Variants in PTPRK observed in about 807,000 individuals in gnomAD.
The protein encoded by PTPRK is receptor-type tyrosine-protein phosphatase kappa.
PTPRK carries 75 observed loss-of-function variants against 178.0 expected under a neutral mutation model. The observed-to-expected ratio is 0.42, with a 90% CI of 0.35 to 0.51. The LOEUF (loss-of-function observed/expected upper bound fraction) is 0.51, where lower values mean the gene tolerates loss of function less well. Ranked by LOEUF, PTPRK falls within the 20% of genes least tolerant of loss-of-function variation. PTPRK has a pLI of 0.02. For missense variants in PTPRK, 1,441 were observed against 1,797.8 expected (o/e 0.80, Z 3.59); for synonymous variants, 637 against 620.6 (o/e 1.03, Z -0.39).
intron 11 of PTPRK, among the ~76,000 whole-genome samples, chr6:128,075,157 T>C (rs930928087): frequency 1.3e-5 from 2 of 152,006 alleles, no homozygotes; most frequent in South Asian, 4.1e-4. Context: ...AGCCACAGTC[T>C]TACCTGCATT....
At chr6:128,116,369 G>C (rs1381340070) in intron 7 of PTPRK, among the ~76,000 whole-genome samples, 3 of 152,108 alleles carry the variant, frequency 2.0e-5, no homozygotes, top group Non-Finnish European at 4.4e-5. Flanking sequence ...CAGGCCATTT[G>C]ATTTATTCTT....
chr6:128,034,808 A>G (rs995590052), intron 13 of PTPRK, among the ~76,000 whole-genome samples: 3 of 152,214 alleles, frequency 2.0e-5, no homozygotes, highest in Non-Finnish European at 4.4e-5. Flanking sequence ...TGTCAAGTAT[A>G]TAAGTCCTTA....
intron 5 of PTPRK, among the ~76,000 whole-genome samples, chr6:128,228,413 G>A (rs1362303224): frequency 2.0e-5 from 3 of 150,938 alleles, no homozygotes; most frequent in South Asian, 2.1e-4. Context: ...TTGGGAGGCC[G>A]AGGCAGGTTG....
At chr6:127,970,653 TATC>T (rs1412332902) in intron 29 of PTPRK, among the ~76,000 whole-genome samples, 6 of 152,110 alleles carry the variant, frequency 3.9e-5, no homozygotes, top group Admixed American at 3.9e-4. Context: ...GCTATAATTC[TATC>T]ATCAGAAGAA....
intron 1 of PTPRK, among the ~76,000 whole-genome samples, chr6:128,449,877 T>C (rs145625110): frequency 2.0e-5 from 3 of 151,202 alleles, no homozygotes; most frequent in African/African-American, 7.3e-5. Flanking sequence ...AGAAGAATTA[T>C]TTGAGGCCAG....
In PTPRK at chr6:128,389,653, T is replaced by TA. The variant is rs201241655; in HGVS notation, c.223+7912dup. 3.7e-3 allele frequency among the ~76,000 whole-genome samples: 563 copies of TA among 152,184 alleles called. 4 individuals carry two copies. The highest frequency in any genetic ancestry group is 0.012 in the African/African-American group (503 of 41,560). On this transcript the variant is annotated intron_variant, in intron 2 of 29. Transcript: ENST00000368226. ...AAGGTATATGTTAAAGGTGACTATA[T>TA]AGTCTTTGAAATTGCTGTGTGTTCC...
Position 128,336,137 on chromosome 6 carries a change from T to C in PTPRK, c.224-13827A>G, listed in dbSNP as rs4084563. ...ATATTCCTTCAACAAAACATTCCTT[T>C]TAAACATAACCAGAAAAGCTGCATG... is the stretch of plus-strand genomic sequence containing the variant. On this transcript the variant is annotated intron_variant, in intron 2 of 29. Transcript: ENST00000368226. 0.022 allele frequency among the ~76,000 whole-genome samples: 3,383 copies of C among 152,188 alleles called. 280 individuals carry two copies. The East Asian group carries it at 0.25, about 11-fold the overall frequency.
intron 29 of PTPRK, among the ~76,000 whole-genome samples, chr6:127,971,994 A>C (rs979988273): frequency 6.6e-6 from 1 of 152,048 alleles, no homozygotes; most frequent in African/African-American, 2.4e-5. Flanking sequence ...AACCAATGTA[A>C]TCTTGTGTAG....
chr6:128,165,437 A>G (rs1799262907), intron 7 of PTPRK, among the ~76,000 whole-genome samples: 2 of 151,276 alleles, frequency 1.3e-5, no homozygotes, highest in Non-Finnish European at 3.0e-5. Context: ...TGGTTAATTT[A>G]TTTTTCTTTA....
intron 27 of PTPRK, among the ~76,000 whole-genome samples, chr6:127,974,680 G>C (rs1774324671): frequency 6.6e-6 from 1 of 152,144 alleles, no homozygotes; most frequent in Admixed American, 6.5e-5. Context: ...AGTTATGTCA[G>C]ATCACCCAGT....
At chr6:128,507,467 C>T (rs1856543487) in intron 1 of PTPRK, among the ~76,000 whole-genome samples, 1 of 152,012 alleles carries the variant, frequency 6.6e-6, no homozygotes, top group Non-Finnish European at 1.5e-5. Flanking sequence ...TACTGTTGTC[C>T]CCTTCATAAT....
chr6:128,307,564 T>C (rs1032619100), intron 3 of PTPRK, among the ~76,000 whole-genome samples: 1 of 151,758 alleles, frequency 6.6e-6, no homozygotes, highest in Admixed American at 6.6e-5. Context: ...GACAAGCATG[T>C]ATTATTGTCA....
intron 3 of PTPRK, among the ~76,000 whole-genome samples, chr6:128,263,676 T>C (rs966600165): frequency 2.0e-5 from 3 of 152,192 alleles, no homozygotes; most frequent in East Asian, 3.9e-4. Flanking sequence ...TAATTAGTAA[T>C]GATTGTGTTA....
At chr6:128,453,762 T>C (rs905976321) in intron 1 of PTPRK, among the ~76,000 whole-genome samples, 4 of 152,148 alleles carry the variant, frequency 2.6e-5, no homozygotes, top group Admixed American at 6.6e-5. Context: ...AAGCTCTACA[T>C]TGGTGCTACT....
chr6:128,034,709 G>C (rs537092097), intron 13 of PTPRK, among the ~76,000 whole-genome samples: 2 of 152,208 alleles, frequency 1.3e-5, no homozygotes, highest in East Asian at 1.9e-4. Context: ...AGTTGTTTTG[G>C]TTTGTTTTGT....
At chr6:128,337,381 A>G (rs965098677) in intron 2 of PTPRK, among the ~76,000 whole-genome samples, 1 of 152,174 alleles carries the variant, frequency 6.6e-6, no homozygotes, top group Non-Finnish European at 1.5e-5. Flanking sequence ...AAAATATTTA[A>G]TTTACCCAAT....
intron 2 of PTPRK, among the ~76,000 whole-genome samples, chr6:128,380,360 A>T (rs939629136): frequency 4.6e-5 from 7 of 152,102 alleles, no homozygotes; most frequent in African/African-American, 1.4e-4. Flanking sequence ...CCAGACTTGG[A>T]GATGAGCAAA....
chr6:128,176,311 T>A (rs1801066150), intron 7 of PTPRK, among the ~76,000 whole-genome samples: 1 of 151,882 alleles, frequency 6.6e-6, no homozygotes, highest in Non-Finnish European at 1.5e-5. Context: ...CAGGTAATAA[T>A]AAACTGTTTT....
At chr6:128,495,511 A>G (rs1168066182) in intron 1 of PTPRK, among the ~76,000 whole-genome samples, 1 of 151,142 alleles carries the variant, frequency 6.6e-6, no homozygotes, top group Admixed American at 6.6e-5. Flanking sequence ...CTCAGGCAGC[A>G]TCTCTCATCC....
Sources: allele counts gnomAD v4.1 joint callset (sites outside exome capture counted in the v4.1 genomes callset), GRCh38; gene constraint gnomAD v4.1.1; transcripts MANE v1.5; gene names NCBI Gene and HGNC (gene_info 2026-07-23, HGNC 2026-07-21).